TANC1: variants seen among roughly 807,000 people sequenced by gnomAD.
TANC1 encodes the protein tetratricopeptide repeat, ankyrin repeat and coiled-coil containing 1.
In TANC1, 77 loss-of-function variants were observed where a neutral mutation model predicts 149.7. That is an observed-to-expected ratio of 0.51 (90% CI 0.43 to 0.62). The LOEUF (loss-of-function observed/expected upper bound fraction) is 0.62. Among genes scored for constraint, TANC1 ranks in the 20% least tolerant of loss-of-function variants. The pLI is 0.00. For missense variants in TANC1, 1,985 were observed against 2,321.8 expected (o/e 0.85, Z 2.98); for synonymous variants, 854 against 925.0 (o/e 0.92, Z 1.39).
chr2:159,146,024 G>A (rs986574226), intron 5 of TANC1, among the ~76,000 whole-genome samples: 1 of 152,152 alleles, frequency 6.6e-6, no homozygotes, highest in African/African-American at 2.4e-5. Flanking sequence ...AATTTGACTT[G>A]GAGGTGCTTT....
chr2:159,153,518 G>A (rs529587436), intron 7 of TANC1, among the ~76,000 whole-genome samples: 2 of 152,238 alleles, frequency 1.3e-5, no homozygotes, highest in Non-Finnish European at 2.9e-5. Flanking sequence ...CACTGCTGTT[G>A]ACAGCGTTCC....
intron 2 of TANC1, among the ~76,000 whole-genome samples, chr2:159,046,827 C>T (rs2041098192): frequency 6.6e-6 from 1 of 151,936 alleles, no homozygotes; most frequent in African/African-American, 2.4e-5. Context: ...TGGTCTCAAA[C>T]TTCTGAGTTC....
Position 159,097,832 on chromosome 2 carries a change from C to T in TANC1, c.257C>T (p.Pro86Leu). The T allele has an allele frequency of 6.2e-7, 1 of 1,610,490 alleles. No individual in the cohort carries two copies. Among genetic ancestry groups the T allele is most frequent in the Non-Finnish European group, 8.5e-7 (1 of 1,177,604 alleles). ...LVQSRVNKKS[P>L]GPVRKPKYVE... ...CAATCAAGAGTGAACAAAAAATCCC[C>T]AGGTAAACAGGCAATGAAGGAGCTG... The change falls in exon 4 of 27, where the codon CCA becomes CTA. Residue 86 changes from proline (P) to leucine (L), a missense_variant and splice_region_variant. By Grantham distance (98) the Pro-to-Leu change is moderately conservative (BLOSUM62 -3). This residue lies in a region of TANC1 where 557 missense variants were observed against 612.9 expected (regional missense o/e 0.91). Transcript: ENST00000263635.
At chr2:159,094,387 T>G (rs959058624) in intron 3 of TANC1, among the ~76,000 whole-genome samples, 2 of 152,244 alleles carry the variant, frequency 1.3e-5, no homozygotes, top group African/African-American at 4.8e-5. Flanking sequence ...GATTCTTGCC[T>G]GTACACCCAT....
intron 4 of TANC1, among the ~76,000 whole-genome samples, chr2:159,126,174 T>C (rs1442157553): frequency 6.6e-6 from 1 of 152,202 alleles, no homozygotes; most frequent in Non-Finnish European, 1.5e-5. Flanking sequence ...CGTACCCAGA[T>C]TGTGTTTGAT....
At chr2:159,063,267 A>G (rs1029093559) in intron 2 of TANC1, among the ~76,000 whole-genome samples, 2 of 152,178 alleles carry the variant, frequency 1.3e-5, no homozygotes, top group Non-Finnish European at 2.9e-5. Flanking sequence ...ATATAGGGGT[A>G]TGTGTTTATA....
In TANC1 at chr2:159,179,146, C is replaced by T; in HGVS notation, c.2493C>T (p.Ala831=). 1 of 1,611,492 alleles carries T rather than the reference C, an allele frequency of 6.2e-7. No homozygotes were observed. Residue 831 remains alanine (A), a synonymous_variant, in exon 14 of 27, where the codon GCC becomes GCT. Transcript: ENST00000263635. ...LVWRADGENT[A]FLCEPRNGHA... is the part of the protein sequence containing the mutation. ...GGAGAGCAGACGGGGAAAACACGGC[C>T]TTCCTGTGTGAGCCCAGGTACGGCA...
chr2:159,021,871 T>C (rs2038857241), intron 2 of TANC1, among the ~76,000 whole-genome samples: 1 of 152,194 alleles, frequency 6.6e-6, no homozygotes, highest in Non-Finnish European at 1.5e-5. Flanking sequence ...GTCTGCTATA[T>C]AGGTCGTAAG....
At chr2:159,023,106 C>T (rs982055596) in intron 2 of TANC1, among the ~76,000 whole-genome samples, 4 of 152,136 alleles carry the variant, frequency 2.6e-5, no homozygotes, top group African/African-American at 9.7e-5. Flanking sequence ...ACTTCTGCTT[C>T]CAAGTGAAAG....
intron 2 of TANC1, chr2:159,056,776 T>C: frequency 2.9e-6 from 1 of 348,480 alleles, no homozygotes; most frequent in Non-Finnish European, 6.0e-6. Flanking sequence ...TGGGTGACCT[T>C]GTTCTTCCCG....
chr2:159,082,822 A>T (rs937962579), intron 3 of TANC1, among the ~76,000 whole-genome samples: 2 of 152,204 alleles, frequency 1.3e-5, no homozygotes, highest in Non-Finnish European at 2.9e-5. Flanking sequence ...AATGGGCTCT[A>T]CTGTAATTGT....
intron 2 of TANC1, among the ~76,000 whole-genome samples, chr2:159,034,271 G>A (rs2040008233): frequency 6.6e-6 from 1 of 152,076 alleles, no homozygotes; most frequent in African/African-American, 2.4e-5. Context: ...CCTACAAATC[G>A]TTATTCACTC....
intron 1 of TANC1, among the ~76,000 whole-genome samples, chr2:158,997,114 G>GC (rs2036207311): frequency 1.3e-5 from 2 of 152,178 alleles, no homozygotes; most frequent in Non-Finnish European, 2.9e-5. Context: ...GGAAAATGGT[G>GC]TTTTGACTAT....
intron 2 of TANC1, among the ~76,000 whole-genome samples, chr2:159,057,794 T>A (rs563366588): frequency 2.0e-5 from 3 of 152,328 alleles, no homozygotes; most frequent in African/African-American, 7.2e-5. Context: ...TAAAATAAGA[T>A]GAAGAAGGCT....
intron 11 of TANC1, among the ~76,000 whole-genome samples, chr2:159,173,676 G>A (rs1319262700): frequency 6.6e-6 from 1 of 152,176 alleles, no homozygotes; most frequent in African/African-American, 2.4e-5. Flanking sequence ...TTTGTCAAAT[G>A]CCATGTGAGA....
intron 2 of TANC1, among the ~76,000 whole-genome samples, chr2:159,011,527 A>ATTTTTTTTTTTTTTT (rs10586189): frequency 9.4e-6 from 1 of 106,726 alleles, no homozygotes; most frequent in Non-Finnish European, 1.8e-5. Context: ...TACACCTTAA[A>ATTTTTTTTTTTTTTT]TTTTTTTTTT....
intron 4 of TANC1, among the ~76,000 whole-genome samples, chr2:159,134,715 A>T (rs2050476531): frequency 6.6e-6 from 1 of 151,552 alleles, no homozygotes; most frequent in Non-Finnish European, 1.5e-5. Context: ...CGAACTCCTG[A>T]CCTCATGATC....
rs758359486 is a variant in TANC1, at chr2:159,230,667, G to A, written c.5241G>A (p.Pro1747=). The A allele has an allele frequency of 5.9e-5, 95 of 1,614,066 alleles. No individual in the cohort carries two copies. The highest frequency in any genetic ancestry group is 1.6e-4 in the Middle Eastern group (1 of 6,084). ...CTCCAAGCCGCAGCTGGCACTGTCC[G>A]GCACCAGAGGGGCTGCTGACAAACA... ...SNPPSRSWHC[P]APEGLLTNTS... Residue 1747 remains proline (P), a synonymous_variant, in exon 27 of 27, where the codon CCG becomes CCA. Coordinates refer to ENST00000263635, the MANE Select transcript of TANC1 (RefSeq NM_033394.3). This position sits in a 1 kb window ranked among gnomAD's most constrained non-coding sequence, Gnocchi z 4.4.
At chr2:158,996,253 G>A (rs967177261) in intron 1 of TANC1, among the ~76,000 whole-genome samples, 3 of 152,106 alleles carry the variant, frequency 2.0e-5, no homozygotes, top group South Asian at 2.1e-4. Context: ...CCAGCCACTC[G>A]TGAGGCTGAG....
Sources: gnomAD v4.1 joint callset for allele counts (sites outside exome capture counted in the v4.1 genomes callset) on GRCh38, gnomAD v4.1.1 for gene constraint, gnomAD v4.1.1 regional missense constraint, Gnocchi (gnomAD v3.1) non-coding constraint, MANE v1.5 for transcripts, NCBI Gene and HGNC (gene_info 2026-07-23, HGNC 2026-07-21) for gene names.